Variants in ITGA2B observed in about 807,000 individuals in gnomAD.
ITGA2B encodes integrin subunit alpha 2b, also known as integrin alpha-IIb.
A neutral mutation model predicts 142.0 loss-of-function variants in ITGA2B; 91 were observed. The observed-to-expected ratio is 0.64, with a 90% CI of 0.54 to 0.76. The LOEUF (loss-of-function observed/expected upper bound fraction) is 0.76, where lower values mean the gene tolerates loss of function less well. Ranked by LOEUF, ITGA2B falls within the 30% of genes least tolerant of loss-of-function variation. The pLI, the probability that ITGA2B is intolerant of heterozygous loss-of-function variation, is 0.00. For missense variants in ITGA2B, 1,231 were observed against 1,350.8 expected (o/e 0.91, Z 1.39); for synonymous variants, 536 against 567.2 (o/e 0.94, Z 0.78).
At position 44,378,432 on chromosome 17, in the gene ITGA2B, G is replaced by GC; in HGVS notation, c.2023dup (p.Ala675GlyfsTer3). 1 of 1,613,390 alleles carries GC rather than the reference G, an allele frequency of 6.2e-7. No homozygotes were observed. Among genetic ancestry groups the GC allele is most frequent in the South Asian group, 1.1e-5 (1 of 90,784 alleles). On this transcript the variant is annotated frameshift_variant, in exon 20 of 30. Coordinates refer to ENST00000262407, the MANE Select transcript of ITGA2B (RefSeq NM_000419.5). LOFTEE classifies it high-confidence loss of function. ...GTGCACGGCCAGCTCTGCTTCATAG[G>GC]CCCCCTCGCCCTCGTTGGCTGCGTC...
rs2048566366 is a variant in ITGA2B at position 44,378,637 on chromosome 17, C to T, written c.1946+6G>A. 6.4e-7 allele frequency: 1 copy of T among 1,568,364 alleles called. No homozygotes were observed. The highest frequency in any genetic ancestry group is 8.6e-7 in the Non-Finnish European group (1 of 1,156,366). On this transcript the variant is annotated splice_donor_region_variant and intron_variant, in intron 19 of 29. Coordinates refer to ENST00000262407, the MANE Select transcript of ITGA2B (RefSeq NM_000419.5). ...CAGGGTCGGGCAGAATGGGAGGCCTCCTCACACGCTGGCAGTGAGCTGAAG... is the reference window on the plus strand; with the variant it reads ...CAGGGTCGGGCAGAATGGGAGGCCTTCTCACACGCTGGCAGTGAGCTGAAG...
intron 20 of ITGA2B, 104 bp downstream of exon 20, chr17:44,378,258 C>A: frequency 7.3e-7 from 1 of 1,377,054 alleles, no homozygotes; most frequent in Non-Finnish European, 9.6e-7. Context: ...ACATCTTTGA[C>A]AGCAAAGCAG....
intron 7 of ITGA2B, 60 bp from the exon 8 acceptor site, chr17:44,384,645 G>A: frequency 6.3e-7 from 1 of 1,583,928 alleles, no homozygotes; most frequent in Admixed American, 1.7e-5. Context: ...GGGACGGAGG[G>A]CAAAGAAGGA....
In ITGA2B at chr17:44,377,055, G is replaced by T. The variant is rs1486955252; in HGVS notation, c.2221C>A (p.Leu741Met). ...GIAMLVSVGN[L>M]EEAGESVSFQ... ...GACACAGACTCCCCAGCCTCTTCCA[G>T]ATTCCCCACGCTCACCAACATCGCG... Residue 741 changes from leucine (L) to methionine (M), a missense_variant, in exon 22 of 30, where the codon CTG becomes ATG. Transcript: ENST00000262407. The T allele has an allele frequency of 6.3e-7, 1 of 1,591,094 alleles. No homozygotes were observed. The highest frequency in any genetic ancestry group is 8.6e-7 in the Non-Finnish European group (1 of 1,168,926).
intron 1 of ITGA2B, 84 bp downstream of exon 1, chr17:44,389,202 A>C: frequency 6.7e-7 from 1 of 1,483,486 alleles, no homozygotes; most frequent in Non-Finnish European, 9.4e-7. Flanking sequence ...CTGCTATCGC[A>C]AATGGGAAAC....
chr17:44,383,155 C>T (rs1292032229), intron 12 of ITGA2B, among the ~76,000 whole-genome samples: 2 of 152,168 alleles, frequency 1.3e-5, no homozygotes, highest in Non-Finnish European at 2.9e-5. Flanking sequence ...GAGGCCATCA[C>T]AGGCACCCAA....
rs547771538 is a variant in ITGA2B, at chr17:44,378,678, G to A, written c.1911C>T (p.Asp637=). 7.0e-6 allele frequency: 11 copies of A among 1,560,612 alleles called. No individual in the cohort carries two copies. The highest frequency in any genetic ancestry group is 4.8e-5 in the East Asian group (2 of 41,960). Residue 637 remains aspartate (D), a synonymous_variant, in exon 19 of 30, where the codon GAC becomes GAT. Coordinates refer to ENST00000262407, the MANE Select transcript of ITGA2B (RefSeq NM_000419.5). ...TRIVLDCGED[D]VCVPQLQLTA... is the part of the protein sequence containing the mutation. ...TGAGCTGAAGCTGGGGCACACATACGTCATCTTCCCCACAGTCCAGGACGA... is the reference window on the plus strand; with the variant it reads ...TGAGCTGAAGCTGGGGCACACATACATCATCTTCCCCACAGTCCAGGACGA...
At chr17:44,384,511 A>C (rs369489447) in intron 8 of ITGA2B, 27 bp downstream of exon 8, 34 of 1,613,936 alleles carry the variant, frequency 2.1e-5, no homozygotes, top group Non-Finnish European at 2.7e-5. Context: ...TGGGCTACCC[A>C]ACTCCCGCCC....
chr17:44,387,523 C>CA (rs1234763467), intron 1 of ITGA2B, among the ~76,000 whole-genome samples: 13 of 147,238 alleles, frequency 8.8e-5, no homozygotes, highest in South Asian at 2.2e-4. Context: ...AACTCCATCT[C>CA]AAAAAAAAAG....
chr17:44,379,576 G>T, intron 18 of ITGA2B, 113 bp downstream of exon 18: 1 of 1,539,238 alleles, frequency 6.5e-7, no homozygotes, highest in Non-Finnish European at 9.0e-7. Flanking sequence ...TTTCATTAGG[G>T]TTTGGAATGA....
rs1315691721 is a variant in ITGA2B, at chr17:44,383,717, T to C, written c.999-13A>G. ...CAGATCATGCCTCCTGTGGGCCAGA[T>C]GAGTGGTTACATGGGACTGGACCAG... On this transcript the variant is annotated splice_polypyrimidine_tract_variant and intron_variant, in intron 11 of 29. Coordinates refer to ENST00000262407, the MANE Select transcript of ITGA2B (RefSeq NM_000419.5). 2.6e-6 allele frequency: 4 copies of C among 1,565,790 alleles called. No homozygotes were observed. Among genetic ancestry groups the C allele is most frequent in the Non-Finnish European group, 1.7e-6 (2 of 1,154,754 alleles).
chr17:44,379,927 C>T (rs1422033703), intron 17 of ITGA2B, 75 bp downstream of exon 17: 2 of 1,612,794 alleles, frequency 1.2e-6, no homozygotes, highest in Non-Finnish European at 1.7e-6. Context: ...CAGCTCAGTG[C>T]CCCAGGGCTA....
chr17:44,380,718 C>CCCCACA (rs772083417), intron 13 of ITGA2B, 73 bp from the exon 14 acceptor site: 1 of 1,602,924 alleles, frequency 6.2e-7, no homozygotes, highest in Non-Finnish European at 8.5e-7. Context: ...CCCAGGGGTT[C>CCCCACA]CCCACACCAC....
rs2048626324 is a variant in ITGA2B, at chr17:44,384,518, G to A, written c.847+20C>T. The A allele has an allele frequency of 1.2e-6, 2 of 1,613,836 alleles. No individual in the cohort carries two copies. The highest frequency in any genetic ancestry group is 2.2e-5 in the South Asian group (2 of 91,088). ...CCCCGGGCTGGGCTACCCAACTCCC[G>A]CCCTAAGTGGATTTCTTGCCTGTAG... On this transcript the variant is annotated intron_variant, in intron 8 of 29. Coordinates refer to ENST00000262407, the MANE Select transcript of ITGA2B (RefSeq NM_000419.5).
intron 12 of ITGA2B, 72 bp downstream of exon 12, chr17:44,383,421 T>C: frequency 6.9e-7 from 1 of 1,452,642 alleles, no homozygotes; most frequent in Non-Finnish European, 9.4e-7. Context: ...CTGGCTGCCC[T>C]CAGGCCAACT....
At chr17:44,379,171 G>C (rs927296336) in intron 18 of ITGA2B, among the ~76,000 whole-genome samples, 5 of 150,658 alleles carry the variant, frequency 3.3e-5, no homozygotes, top group African/African-American at 4.9e-5. Context: ...AGCCAGGATG[G>C]TCTTGATCTC....
chr17:44,380,577 C>T, intron 14 of ITGA2B, 23 bp downstream of exon 14: 2 of 1,614,180 alleles, frequency 1.2e-6, no homozygotes, highest in South Asian at 2.2e-5. Flanking sequence ...CTTCCCCATC[C>T]CGCCCCTGGA....
At chr17:44,381,354 G>A (rs1227759641) in intron 12 of ITGA2B, among the ~76,000 whole-genome samples, 1 of 151,680 alleles carries the variant, frequency 6.6e-6, no homozygotes, top group Non-Finnish European at 1.5e-5. Flanking sequence ...TTTTGAGATG[G>A]AGTCTCGCTC....
chr17:44,381,047 C>T lies in ITGA2B; in HGVS notation c.1225G>A (p.Ala409Thr), dbSNP rs771386144. 1.2e-6 allele frequency: 2 copies of T among 1,613,242 alleles called. No homozygotes were observed. The highest frequency in any genetic ancestry group is 1.3e-5 in the African/African-American group (1 of 74,928). ...CGGCCACTGGGACCCCCGTAGGGGG[C>T]AGCCACTGCAATGTCTGGAAGGAGT... ...RDGYNDIAVA[A>T]PYGGPSGRGQ... Residue 409 changes from alanine to threonine, a missense_variant, in exon 13 of 30, where the codon GCC becomes ACC. Transcript: ENST00000262407.
Sources: gnomAD v4.1 joint callset for allele counts (sites outside exome capture counted in the v4.1 genomes callset) on GRCh38, gnomAD v4.1.1 for gene constraint, MANE v1.5 for transcripts, NCBI Gene and HGNC (gene_info 2026-07-23, HGNC 2026-07-21) for gene names.